SOD2: variants seen among roughly 807,000 people sequenced by gnomAD.
SOD2 encodes the protein superoxide dismutase [Mn], mitochondrial.
A neutral mutation model predicts 27.0 loss-of-function variants in SOD2; 11 were observed. The observed-to-expected ratio is 0.41, with a 90% CI of 0.26 to 0.67. SOD2 has a LOEUF of 0.67. Among genes scored for constraint, SOD2 ranks in the 30% least tolerant of loss-of-function variants. SOD2 has a pLI of 0.34. For missense variants in SOD2, 250 were observed against 274.5 expected, an observed-to-expected ratio of 0.91 and a Z score of 0.63; for synonymous variants, 105 against 103.0, an observed-to-expected ratio of 1.02 and a Z score of -0.12.
In SOD2 at chr6:159,735,990, G is replaced by A. The variant is rs189990304; in HGVS notation, c.-116+9140C>T. Among the ~76,000 whole-genome samples the A allele has an allele frequency of 3.0e-4, 46 of 152,106 alleles. 1 individual carries two copies. In the East Asian group the frequency reaches 8.1e-3, roughly 27 times the overall value. On this transcript the variant is annotated intron_variant, in intron 1 of 3. Transcript: ENST00000537657. ...TTGAATGGCTGATCAGCTTTTTTACGAGGGAATTTGTAAAAACTACCCAAT... is the reference window on the plus strand; with the variant it reads ...TTGAATGGCTGATCAGCTTTTTTACAAGGGAATTTGTAAAAACTACCCAAT...
At chr6:159,749,716 A>G (rs1779753970), upstream of SOD2, among the ~76,000 whole-genome samples, 1 of 152,190 alleles carries the variant, frequency 6.6e-6, no homozygotes, top group African/African-American at 2.4e-5. Flanking sequence ...ATGTGTTGGA[A>G]CTGTGGGCTG....
chr6:159,671,500 A>G lies in SOD2; in HGVS notation c.*10993T>C, dbSNP rs1276560270. On this transcript the variant is annotated 3_prime_UTR_variant, in exon 5 of 5. Coordinates refer to ENST00000538183, the MANE Select transcript of SOD2 (RefSeq NM_000636.4). ...CAAACAGGGTCTGGCGTGGACGTCCAGCAAACTCCAACAGACCTGCAGCTG... is the reference window on the plus strand; with the variant it reads ...CAAACAGGGTCTGGCGTGGACGTCCGGCAAACTCCAACAGACCTGCAGCTG... 6.6e-6 allele frequency: 1 copy of G among 152,504 alleles called. No homozygotes were observed. Among genetic ancestry groups the G allele is most frequent in the Non-Finnish European group, 1.5e-5 (1 of 68,250 alleles). 9.4% of individuals were successfully genotyped at this position (152,504 alleles called of 1,614,324 possible).
chr6:159,678,391 G>C lies in SOD2; in HGVS notation c.*4102C>G, dbSNP rs772088770. On this transcript the variant is annotated 3_prime_UTR_variant, in exon 5 of 5. Coordinates refer to ENST00000538183, the MANE Select transcript of SOD2 (RefSeq NM_000636.4). ...AAAATACAAAAATTAGCTGGGCATG[G>C]TGGTGCACACTTGTAATCCCAGCTA... is the stretch of plus-strand genomic sequence containing the variant. 1 of 152,150 alleles carries C rather than the reference G, an allele frequency of 6.6e-6. No homozygotes were observed. The highest frequency in any genetic ancestry group is 1.5e-5 in the Non-Finnish European group (1 of 68,082). 9.4% of individuals were successfully genotyped at this position (152,150 alleles called of 1,614,324 possible).
upstream of SOD2, among the ~76,000 whole-genome samples, chr6:159,746,898 T>C (rs1779610194): frequency 6.6e-6 from 1 of 152,204 alleles, no homozygotes; most frequent in African/African-American, 2.4e-5. Flanking sequence ...TAAAGCTAAA[T>C]AGTAACTGAG....
intron 1 of SOD2, chr6:159,736,151 G>A: frequency 9.3e-7 from 1 of 1,077,252 alleles, no homozygotes; most frequent in Non-Finnish European, 1.4e-6. Flanking sequence ...TTATTCAACA[G>A]TAATTTAGTT....
chr6:159,736,535 C>T (rs960908077), intron 1 of SOD2: 3 of 382,714 alleles, frequency 7.8e-6, no homozygotes, highest in African/African-American at 6.2e-5. Context: ...ATAATATTCC[C>T]ATGGTCTACT....
Position 159,692,718 on chromosome 6 carries a change from C to T in SOD2, c.169G>A (p.Ala57Thr), listed in dbSNP as rs1336268032. Residue 57 changes from alanine (A) to threonine (T), a missense_variant, in exon 2 of 5, where the codon GCC (alanine) becomes ACC (threonine). By Grantham distance (58) the Ala-to-Thr change is moderately conservative. Transcript: ENST00000538183. ...GTGACGTTCAGGTTGTTCACGTAGG[C>T]CGCGTGGTGCTTGCTGTGGTGCAGC... ...MQLHHSKHHA[A>T]YVNNLNVTEE... is the part of the protein sequence containing the mutation. 1.9e-6 allele frequency: 3 copies of T among 1,614,026 alleles called. No individual in the cohort carries two copies. Among genetic ancestry groups the T allele is most frequent in the Admixed American group, 1.7e-5 (1 of 60,000 alleles).
At chr6:159,762,164 C>T (rs373278187) in exon 1 of SOD2, 46 of 1,605,496 alleles carry the variant, frequency 2.9e-5, no homozygotes, top group Non-Finnish European at 3.7e-5. Flanking sequence ...GCGGGAGCCG[C>T]GCAGAGTCCG....
chr6:159,722,130 C>T (rs549012464), intron 1 of SOD2, among the ~76,000 whole-genome samples: 6 of 151,848 alleles, frequency 4.0e-5, no homozygotes, highest in East Asian at 1.9e-4. Flanking sequence ...GTACTCCCAG[C>T]GCTTTGGGAG....
intron 1 of SOD2, among the ~76,000 whole-genome samples, chr6:159,712,096 ATAACCACCACTCAGCTGCTCAGACCTCC>A (rs1777801903): frequency 5.0e-5 from 2 of 40,074 alleles, no homozygotes; most frequent in East Asian, 1.1e-3. Flanking sequence ...AACCACCTCC[ATAACCACCACTCAGCTGCTCAGACCTCC>A]ATAACCACCT....
chr6:159,711,956 ACCATAACCACCT>A (rs1282588915), intron 1 of SOD2, among the ~76,000 whole-genome samples: 6 of 107,532 alleles, frequency 5.6e-5, no homozygotes, highest in Admixed American at 8.8e-5. Flanking sequence ...TGCTCTGATC[ACCATAACCACCT>A]CCATAACCAC....
rs1779920019 is a variant in SOD2, at chr6:159,680,828, C to G, written c.*1665G>C. ...GCATGCACCTGTAATCCCAGCTATT[C>G]AGGAGGCTGAGGTGGGACAATCACT... On this transcript the variant is annotated 3_prime_UTR_variant, in exon 5 of 5. Coordinates refer to ENST00000538183, the MANE Select transcript of SOD2 (RefSeq NM_000636.4). 6.6e-6 allele frequency: 1 copy of G among 151,388 alleles called. No homozygotes were observed. Among genetic ancestry groups the G allele is most frequent in the Non-Finnish European group, 1.5e-5 (1 of 67,916 alleles). 9.4% of individuals were successfully genotyped at this position (151,388 alleles called of 1,614,324 possible). A position where few individuals can be genotyped will look rare whatever the true frequency, so the allele number is the denominator to read the frequency against.
chr6:159,754,967 A>G, intron 1 of SOD2: 3 of 1,465,698 alleles, frequency 2.0e-6, no homozygotes, highest in South Asian at 1.5e-5. Flanking sequence ...GGCAGGCACT[A>G]AAGAAACATT....
intron 1 of SOD2, among the ~76,000 whole-genome samples, chr6:159,719,735 T>TC (rs1296276845): frequency 6.6e-6 from 1 of 150,872 alleles, no homozygotes; most frequent in African/African-American, 2.4e-5. Context: ...TATTTTCTTT[T>TC]TTTTTTTTGA....
At chr6:159,704,640 G>C (rs1484276275) in intron 1 of SOD2, among the ~76,000 whole-genome samples, 1 of 152,232 alleles carries the variant, frequency 6.6e-6, no homozygotes, top group South Asian at 2.1e-4. Flanking sequence ...GCTCGGACTG[G>C]ATGGAGCCCA....
At chr6:159,706,312 C>G (rs112269823) in intron 1 of SOD2, among the ~76,000 whole-genome samples, 5,171 of 152,180 alleles carry the variant, frequency 0.034, 315 homozygotes, top group African/African-American at 0.12. Context: ...AATTAAAAGA[C>G]ACAGACTGGC....
chr6:159,698,247 T>C (rs1777461550), upstream of SOD2, among the ~76,000 whole-genome samples: 2 of 151,588 alleles, frequency 1.3e-5, no homozygotes, highest in Admixed American at 1.3e-4. Flanking sequence ...CACTCCAGCC[T>C]GGGCGACAGA....
intron 4 of SOD2, among the ~76,000 whole-genome samples, chr6:159,684,206 A>T (rs1780081595): frequency 6.6e-6 from 1 of 152,148 alleles, no homozygotes; most frequent in Admixed American, 6.5e-5. Flanking sequence ...CTCTGAAATC[A>T]GTCTCTGCTT....
At chr6:159,754,279 T>C (rs978271937) in intron 1 of SOD2, among the ~76,000 whole-genome samples, 2 of 152,248 alleles carry the variant, frequency 1.3e-5, no homozygotes, top group Non-Finnish European at 2.9e-5. Flanking sequence ...TCAGGAATTA[T>C]TTCCTGTGAC....
Sources: gnomAD v4.1 joint callset for allele counts (sites outside exome capture counted in the v4.1 genomes callset) on GRCh38, gnomAD v4.1.1 for gene constraint, MANE v1.5 for transcripts, NCBI Gene and HGNC (gene_info 2026-07-23, HGNC 2026-07-21) for gene names.